The following DHRS7B variants were observed in gnomAD, a reference collection of about 807,000 sequenced individuals.
DHRS7B encodes the protein peroxisomal reductase activating PPAR-gamma.
A neutral mutation model predicts 26.4 loss-of-function variants in DHRS7B; 24 were observed. The observed-to-expected ratio is 0.91, with a 90% CI of 0.66 to 1.28. The LOEUF (loss-of-function observed/expected upper bound fraction) is 1.28. Among genes scored for constraint, DHRS7B ranks in the 50% most tolerant of loss-of-function variants. DHRS7B has a pLI of 0.00. For synonymous variants in DHRS7B, 142 were observed against 166.4 expected, an observed-to-expected ratio of 0.85 and a Z score of 1.13; for missense variants, 368 against 419.4, an observed-to-expected ratio of 0.88 and a Z score of 1.07.
chr17:21,170,755 G>T lies in DHRS7B; in HGVS notation c.21-1263G>T, dbSNP rs1974222074. ...CAGCCACCCTGAACATGAACTTCAG[G>T]ATCAAAGCGACTTGGTGCATAGATG... On this transcript the variant is annotated intron_variant, in intron 1 of 6. Transcript: ENST00000395511. Among the ~76,000 whole-genome samples the T allele has an allele frequency of 1.3e-5, 2 of 152,166 alleles. 1 individual carries two copies. Among genetic ancestry groups the T allele is most frequent in the East Asian group, 3.8e-4 (2 of 5,196 alleles).
rs540525764 is a variant in DHRS7B, at chr17:21,150,934, A to G, written c.21-21084A>G. On this transcript the variant is annotated intron_variant, in intron 1 of 6. Transcript: ENST00000395511. ...TAGATATTAGGATTAGAATGTGGAC[A>G]TCTTTGAGAGGTATTATTTAGGCTA... 2.0e-5 allele frequency among the ~76,000 whole-genome samples: 3 copies of G among 152,328 alleles called. No homozygotes were observed. In the South Asian group the frequency reaches 6.2e-4, roughly 32 times the overall value.
intron 1 of DHRS7B, among the ~76,000 whole-genome samples, chr17:21,131,705 A>G (rs968845672): frequency 6.6e-6 from 1 of 152,238 alleles, no homozygotes; most frequent in Non-Finnish European, 1.5e-5. Context: ...GATGACTGAT[A>G]AATTGATTGA....
chr17:21,175,513 C>T (rs961779940), intron 2 of DHRS7B, among the ~76,000 whole-genome samples: 6 of 152,216 alleles, frequency 3.9e-5, no homozygotes, highest in Non-Finnish European at 7.3e-5. Context: ...CTCTAAGATT[C>T]GGTCTGGAAC....
At chr17:21,169,126 CA>C (rs1334108483) in intron 1 of DHRS7B, among the ~76,000 whole-genome samples, 1 of 152,172 alleles carries the variant, frequency 6.6e-6, no homozygotes, top group Non-Finnish European at 1.5e-5. Flanking sequence ...TTTTCTAACA[CA>C]AAACTTGGGA....
intron 5 of DHRS7B, among the ~76,000 whole-genome samples, chr17:21,184,729 G>A (rs370153755): frequency 2.7e-4 from 41 of 152,224 alleles, no homozygotes; most frequent in African/African-American, 9.1e-4. Context: ...GTCTTAGCCC[G>A]GAGGACTGCT....
intron 1 of DHRS7B, among the ~76,000 whole-genome samples, chr17:21,134,203 A>G (rs1376361984): frequency 1.3e-5 from 2 of 152,194 alleles, no homozygotes; most frequent in African/African-American, 4.8e-5. Flanking sequence ...TGGTTTCCCA[A>G]TTTTGCCAAA....
At chr17:21,159,173 A>G (rs570945733) in intron 1 of DHRS7B, among the ~76,000 whole-genome samples, 23 of 152,272 alleles carry the variant, frequency 1.5e-4, no homozygotes, top group African/African-American at 5.1e-4. Context: ...AAAAACTTCT[A>G]GTCTGAGAAA....
chr17:21,154,777 G>C lies in DHRS7B; in HGVS notation c.21-17241G>C, dbSNP rs75164918. 4.0e-3 allele frequency among the ~76,000 whole-genome samples: 612 copies of C among 152,206 alleles called. 5 individuals are homozygous for C. Among genetic ancestry groups the C allele is most frequent in the African/African-American group, 0.014 (595 of 41,524 alleles). ...TAAATGAACATAAATATGTGTTTATGTATTTTTAGTTATAAGTGAAATGAA... is the reference window on the plus strand; with the variant it reads ...TAAATGAACATAAATATGTGTTTATCTATTTTTAGTTATAAGTGAAATGAA... On this transcript the variant is annotated intron_variant, in intron 1 of 6. Coordinates refer to ENST00000395511, the MANE Select transcript of DHRS7B (RefSeq NM_015510.5).
intron 1 of DHRS7B, among the ~76,000 whole-genome samples, chr17:21,158,793 A>C (rs1268376632): frequency 6.6e-6 from 1 of 152,200 alleles, no homozygotes; most frequent in Non-Finnish European, 1.5e-5. Flanking sequence ...TCCAAGACTT[A>C]GTATAAAGCT....
At position 21,164,030 on chromosome 17, in the gene DHRS7B, C is replaced by CTTTTTT. The variant is rs35189205; in HGVS notation, c.21-7977_21-7972dup. On this transcript the variant is annotated intron_variant, in intron 1 of 6. Coordinates refer to ENST00000395511, the MANE Select transcript of DHRS7B (RefSeq NM_015510.5). ...AGTGCAGATATTGTCAATTGTTGTG[C>CTTTTTT]TTTTTTTTTTTTTTTTGAGACAGGG... Among the ~76,000 whole-genome samples, 5 of 96,976 alleles carry CTTTTTT rather than the reference C, an allele frequency of 5.2e-5. 1 individual carries two copies. Among genetic ancestry groups the CTTTTTT allele is most frequent in the African/African-American group, 1.0e-4 (2 of 19,752 alleles). 63.6% of individuals were successfully genotyped at this position (96,976 alleles called of 152,430 possible). A position where few individuals can be genotyped will look rare whatever the true frequency, so the allele number is the denominator to read the frequency against.
In DHRS7B at chr17:21,188,764, A is replaced by G. The variant is rs763164881; in HGVS notation, c.673A>G (p.Met225Val). 1.2e-6 allele frequency: 2 copies of G among 1,613,662 alleles called. No homozygotes were observed. Among genetic ancestry groups the G allele is most frequent in the Admixed American group, 3.3e-5 (2 of 59,910 alleles). ...TTTCTTTGACTGTCTGCGTGCCGAG[A>G]TGGAACAGTATGAAATTGAGGTGAC... The part of the protein sequence containing the change: ...QAFFDCLRAE[M>V]EQYEIEVTVI... The change falls in exon 6 of 7, where the codon ATG becomes GTG. Residue 225 changes from methionine (M) to valine (V), a missense_variant. By Grantham distance (21) the Met-to-Val change is conservative. Transcript: ENST00000395511.
At chr17:21,165,522 G>A (rs915386202) in intron 1 of DHRS7B, among the ~76,000 whole-genome samples, 19 of 151,900 alleles carry the variant, frequency 1.3e-4, no homozygotes, top group Admixed American at 3.9e-4. Context: ...ATGGGGTTTC[G>A]CTGTTGCCCA....
chr17:21,141,640 A>AAAAAAAAAAAAAAAAAAG lies in DHRS7B; in HGVS notation c.20+14649_20+14650insAAAAAAAAAAAAAAAAAG. Among the ~76,000 whole-genome samples, 213 of 90,072 alleles carry AAAAAAAAAAAAAAAAAAG rather than the reference A, an allele frequency of 2.4e-3. 36 individuals carry two copies. The highest frequency in any genetic ancestry group is 2.7e-3 in the Admixed American group (19 of 6,954). 59.1% of individuals were successfully genotyped at this position (90,072 alleles called of 152,430 possible). Reference sequence around the variant, plus strand: ...AAAGCAAAAAAAAAAAAAAAAAAAAACAACCTCATCTCAAACTCCACAAAG... The same window carrying AAAAAAAAAAAAAAAAAAG: ...AAAGCAAAAAAAAAAAAAAAAAAAAAAAAAAAAAAAAAAAAAAGCAACCTCATCTCAAACTCCACAAAG... On this transcript the variant is annotated intron_variant, in intron 1 of 6. Transcript: ENST00000395511.
At position 21,138,211 on chromosome 17, in the gene DHRS7B, C is replaced by CTTCT. The variant is rs1422122592; in HGVS notation, c.20+11222_20+11223insCTTT. On this transcript the variant is annotated intron_variant, in intron 1 of 6. Transcript: ENST00000395511. ...TTGTCTTGAACATCCATCCCTCCTT[C>CTTCT]TTTTTTTTTTTTTTTTTTTTTTTGA... Among the ~76,000 whole-genome samples the CTTCT allele has an allele frequency of 7.1e-3, 556 of 78,228 alleles. 30 individuals carry two copies. The highest frequency in any genetic ancestry group is 0.032 in the African/African-American group (541 of 17,036). 51.3% of individuals were successfully genotyped at this position (78,228 alleles called of 152,430 possible).
intron 1 of DHRS7B, among the ~76,000 whole-genome samples, chr17:21,170,895 T>A (rs1223812753): frequency 2.6e-5 from 4 of 152,134 alleles, no homozygotes; most frequent in Admixed American, 2.6e-4. Flanking sequence ...GATGGGATAT[T>A]AAGTAGGTGG....
chr17:21,188,920 C>A, intron 6 of DHRS7B, 57 bp downstream of exon 6: 1 of 1,594,846 alleles, frequency 6.3e-7, no homozygotes, highest in Non-Finnish European at 8.6e-7. Flanking sequence ...CACAGTGAGA[C>A]ATGCTGCTCT....
intron 1 of DHRS7B, among the ~76,000 whole-genome samples, chr17:21,164,996 C>A: frequency 6.6e-6 from 1 of 152,340 alleles, no homozygotes; most frequent in East Asian, 1.9e-4. Flanking sequence ...TGGGAATTGC[C>A]TTTTTTCAGT....
At chr17:21,135,171 C>T (rs530463669) in intron 1 of DHRS7B, among the ~76,000 whole-genome samples, 14 of 152,250 alleles carry the variant, frequency 9.2e-5, no homozygotes, top group African/African-American at 3.4e-4. Flanking sequence ...ATGATTATTA[C>T]TGATAATGTA....
chr17:21,169,713 G>GTTGTCAA (rs1357669930), intron 1 of DHRS7B, among the ~76,000 whole-genome samples: 7 of 152,162 alleles, frequency 4.6e-5, no homozygotes, highest in Non-Finnish European at 8.8e-5. Context: ...TCAGCCCCAG[G>GTTGTCAA]TTGTCAATTT....
Sources: gnomAD v4.1 joint callset for allele counts (sites outside exome capture counted in the v4.1 genomes callset) on GRCh38, gnomAD v4.1.1 for gene constraint, MANE v1.5 for transcripts, NCBI Gene and HGNC (gene_info 2026-07-23, HGNC 2026-07-21) for gene names.